Variants in RTN1 observed in about 807,000 individuals in gnomAD.
RTN1 encodes the protein reticulon 1.
In RTN1, 25 loss-of-function variants were observed where a neutral mutation model predicts 65.5. The ratio of observed to expected loss-of-function variants is 0.38; its 90% confidence interval spans 0.28 to 0.53. The LOEUF (loss-of-function observed/expected upper bound fraction) is 0.53. Among genes scored for constraint, RTN1 ranks in the 20% least tolerant of loss-of-function variants. The pLI, the probability that RTN1 is intolerant of heterozygous loss-of-function variation, is 0.79. For missense variants in RTN1, 983 were observed against 1,025.4 expected (o/e 0.96, Z 0.57); for synonymous variants, 471 against 447.6 (o/e 1.05, Z -0.66).
At chr14:59,843,753 C>T (rs1224850232) in intron 1 of RTN1, among the ~76,000 whole-genome samples, 1 of 152,150 alleles carries the variant, frequency 6.6e-6, no homozygotes, top group Non-Finnish European at 1.5e-5. Flanking sequence ...AGCCTGTGTC[C>T]TATAAATGTC....
At chr14:59,682,032 G>T (rs898070410) in intron 3 of RTN1, among the ~76,000 whole-genome samples, 2 of 152,148 alleles carry the variant, frequency 1.3e-5, no homozygotes, top group Admixed American at 1.3e-4. Context: ...TGATCATGGT[G>T]CTACCCTTTA....
At chr14:59,788,812 T>G (rs1886297069) in intron 1 of RTN1, among the ~76,000 whole-genome samples, 1 of 152,190 alleles carries the variant, frequency 6.6e-6, no homozygotes, top group South Asian at 2.1e-4. Flanking sequence ...CCTCTGGCTA[T>G]TTACATGGGT....
chr14:59,802,206 T>C (rs958837665), intron 1 of RTN1, among the ~76,000 whole-genome samples: 2 of 152,200 alleles, frequency 1.3e-5, no homozygotes, highest in Admixed American at 1.3e-4. Flanking sequence ...GAAACCTAGA[T>C]AAAAAGAACT....
intron 1 of RTN1, among the ~76,000 whole-genome samples, chr14:59,856,440 T>C (rs1887609530): frequency 6.6e-6 from 1 of 152,056 alleles, no homozygotes; most frequent in African/African-American, 2.4e-5. Flanking sequence ...CTCCCACACA[T>C]ACCTGGGACA....
At chr14:59,856,392 G>A (rs1165433319) in intron 1 of RTN1, among the ~76,000 whole-genome samples, 2 of 152,102 alleles carry the variant, frequency 1.3e-5, no homozygotes, top group Admixed American at 6.5e-5. Flanking sequence ...TCGCTGTGCT[G>A]CCTTCTCTGG....
intron 3 of RTN1, among the ~76,000 whole-genome samples, chr14:59,663,430 T>G (rs966677337): frequency 2.0e-5 from 3 of 152,084 alleles, no homozygotes; most frequent in African/African-American, 7.2e-5. Flanking sequence ...GGGCAAAGAC[T>G]TCATGACTAA....
intron 3 of RTN1, among the ~76,000 whole-genome samples, chr14:59,690,772 T>G (rs1566686718): frequency 6.6e-6 from 1 of 151,764 alleles, no homozygotes; most frequent in Non-Finnish European, 1.5e-5. Context: ...AAAATAAAAA[T>G]AAACACCAAG....
intron 2 of RTN1, among the ~76,000 whole-genome samples, chr14:59,728,037 A>T (rs2139480316): frequency 6.6e-6 from 1 of 152,298 alleles, no homozygotes; most frequent in Admixed American, 6.5e-5. Flanking sequence ...TCATTCTCTC[A>T]GGGAACTTTT....
intron 1 of RTN1, among the ~76,000 whole-genome samples, chr14:59,866,369 A>G (rs866255613): frequency 6.6e-6 from 1 of 152,168 alleles, no homozygotes; most frequent in Non-Finnish European, 1.5e-5. Context: ...GATAACCAAT[A>G]ATGCTTCTCT....
In RTN1 at chr14:59,663,055, C is replaced by G. The variant is rs540236214; in HGVS notation, c.1766-55563G>C. 2.8e-3 allele frequency among the ~76,000 whole-genome samples: 420 copies of G among 152,058 alleles called. 1 individual carries two copies. Among genetic ancestry groups the G allele is most frequent in the African/African-American group, 9.9e-3 (411 of 41,478 alleles). ...CAGTAACCAAAACAGCATGGTACTG[C>G]TACCAAAACAGATATATAGACTAAT... On this transcript the variant is annotated intron_variant, in intron 3 of 8. Coordinates refer to ENST00000267484, the MANE Select transcript of RTN1 (RefSeq NM_021136.3).
intron 1 of RTN1, among the ~76,000 whole-genome samples, chr14:59,840,807 CA>C (rs1353301144): frequency 1.3e-5 from 2 of 152,112 alleles, no homozygotes; most frequent in Non-Finnish European, 2.9e-5. Context: ...TCTGAGATGC[CA>C]AACTCTTTCA....
chr14:59,820,734 A>G (rs1886929111), intron 1 of RTN1, among the ~76,000 whole-genome samples: 1 of 152,168 alleles, frequency 6.6e-6, no homozygotes, highest in South Asian at 2.1e-4. Flanking sequence ...GGATAATGGG[A>G]ACTACAATTC....
intron 3 of RTN1, among the ~76,000 whole-genome samples, chr14:59,613,034 C>G (rs1284949195): frequency 1.3e-5 from 2 of 152,178 alleles, no homozygotes; most frequent in Admixed American, 6.5e-5. Context: ...TTCTTCCCCC[C>G]ATACTTAGCT....
rs190588692 is a variant in RTN1 at position 59,749,033 on chromosome 14, C to G, written c.242-2552G>C. The stretch of plus-strand genomic sequence containing the variant: ...CGAACTCCTGACCTCAGGTGATCCT[C>G]CCACCATGGCCTCCCCAGTGCTGGG... On this transcript the variant is annotated intron_variant, in intron 1 of 8. Transcript: ENST00000267484. Among the ~76,000 whole-genome samples, 76 of 149,544 alleles carry G rather than the reference C, an allele frequency of 5.1e-4. 1 individual carries two copies. The highest frequency in any genetic ancestry group is 3.4e-3 in the Admixed American group (50 of 14,872).
At chr14:59,747,268 A>G (rs975761482) in intron 1 of RTN1, among the ~76,000 whole-genome samples, 8 of 152,212 alleles carry the variant, frequency 5.3e-5, no homozygotes, top group Non-Finnish European at 8.8e-5. Flanking sequence ...GAATATTTTC[A>G]CCAGGCTCTA....
intron 3 of RTN1, among the ~76,000 whole-genome samples, chr14:59,620,910 G>A (rs1383920986): frequency 6.6e-6 from 1 of 152,162 alleles, no homozygotes; most frequent in Non-Finnish European, 1.5e-5. Context: ...TGGGAATGAC[G>A]GACAGTCTAG....
chr14:59,835,529 T>C (rs193036913), intron 1 of RTN1, among the ~76,000 whole-genome samples: 53 of 152,334 alleles, frequency 3.5e-4, no homozygotes, highest in African/African-American at 1.3e-3. Context: ...AAAACTTTGT[T>C]CAGCAACTTC....
chr14:59,859,745 G>A (rs1335869944), intron 1 of RTN1, among the ~76,000 whole-genome samples: 3 of 152,208 alleles, frequency 2.0e-5, no homozygotes, highest in Non-Finnish European at 4.4e-5. Context: ...AGAATGAGCT[G>A]GTCTCAGATG....
At chr14:59,630,338 G>T in intron 3 of RTN1, 1 of 1,386,134 alleles carries the variant, frequency 7.2e-7, no homozygotes, top group Non-Finnish European at 1.0e-6. Flanking sequence ...AAGCTCTGGG[G>T]TATAAAGCAT....
Sources: gnomAD v4.1 joint callset for allele counts (sites outside exome capture counted in the v4.1 genomes callset) on GRCh38, gnomAD v4.1.1 for gene constraint, MANE v1.5 for transcripts, NCBI Gene and HGNC (gene_info 2026-07-23, HGNC 2026-07-21) for gene names.